The following CCDC7 variants were observed in gnomAD, a reference collection of about 807,000 sequenced individuals.
The protein encoded by CCDC7 is coiled-coil domain-containing protein 7.
Under a neutral mutation model 196.9 loss-of-function variants are expected in CCDC7, and 183 were observed. The ratio of observed to expected loss-of-function variants is 0.93; its 90% confidence interval spans 0.82 to 1.05. CCDC7 has a LOEUF of 1.05. Ranked by LOEUF, CCDC7 falls within the 50% of genes least tolerant of loss-of-function variation. The pLI is 0.00. For missense variants in CCDC7, 1,540 were observed against 1,482.2 expected (o/e 1.04, Z -0.64); for synonymous variants, 525 against 484.6 (o/e 1.08, Z -1.10).
intron 18 of CCDC7, among the ~76,000 whole-genome samples, chr10:32,603,360 A>G (rs187568643): frequency 5.9e-5 from 9 of 152,228 alleles, no homozygotes; most frequent in African/African-American, 1.7e-4. Flanking sequence ...ATTGATGGAC[A>G]CTTAGCTTGA....
intron 11 of CCDC7, among the ~76,000 whole-genome samples, chr10:32,527,876 AT>A (rs1156486736): frequency 6.6e-6 from 1 of 151,948 alleles, no homozygotes; most frequent in East Asian, 1.9e-4. Context: ...TTTATTTTTA[AT>A]TTTTTTATTT....
chr10:32,676,826 T>C (rs1274098225), intron 21 of CCDC7, among the ~76,000 whole-genome samples: 2 of 152,120 alleles, frequency 1.3e-5, no homozygotes, highest in African/African-American at 2.4e-5. Flanking sequence ...TCCTCAGGGA[T>C]CTAGAACTAG....
chr10:32,621,807 C>T lies in CCDC7; in HGVS notation c.1802-12447C>T, dbSNP rs138560309. Among the ~76,000 whole-genome samples the T allele has an allele frequency of 7.2e-5, 11 of 152,204 alleles. No individual in the cohort carries two copies. In the East Asian group the frequency reaches 1.9e-3, roughly 27 times the overall value. On this transcript the variant is annotated intron_variant, in intron 18 of 41. Coordinates refer to ENST00000639629, the Ensembl canonical transcript of CCDC7. Reference sequence around the variant, plus strand: ...GCTCTGCGTTTTTGTTCTATTTAGGCCCTAAGTGATTTGGATGACACCTGT... The same window carrying T: ...GCTCTGCGTTTTTGTTCTATTTAGGTCCTAAGTGATTTGGATGACACCTGT...
intron 14 of CCDC7, among the ~76,000 whole-genome samples, chr10:32,567,237 T>G (rs1037716676): frequency 6.6e-6 from 1 of 151,172 alleles, no homozygotes; most frequent in African/African-American, 2.4e-5. Flanking sequence ...AAATAAAAAT[T>G]ATAAAAAGTG....
intron 24 of CCDC7, among the ~76,000 whole-genome samples, chr10:32,705,887 A>C (rs2079647599): frequency 6.6e-6 from 1 of 152,118 alleles, no homozygotes; most frequent in South Asian, 2.1e-4. Flanking sequence ...TTAACACTCC[A>C]CTGTCAACAT....
intron 5 of CCDC7, among the ~76,000 whole-genome samples, chr10:32,464,312 C>G (rs918470151): frequency 7.4e-4 from 113 of 152,290 alleles, no homozygotes; most frequent in African/African-American, 2.6e-3. Flanking sequence ...ACTTGGAATG[C>G]TCTAAATACA....
chr10:32,705,145 A>T (rs1295516282), intron 24 of CCDC7, among the ~76,000 whole-genome samples: 1 of 151,790 alleles, frequency 6.6e-6, no homozygotes, highest in Admixed American at 6.6e-5. Context: ...CTATTCGGCC[A>T]TCTTGGCTCC....
downstream of CCDC7, among the ~76,000 whole-genome samples, chr10:32,881,907 C>T (rs1468110442): frequency 1.3e-5 from 2 of 152,086 alleles, no homozygotes; most frequent in Non-Finnish European, 2.9e-5. Flanking sequence ...CATTCATCAT[C>T]GAGGATCACG....
chr10:32,833,644 TTTGTTG>T (rs909907748), intron 32 of CCDC7, among the ~76,000 whole-genome samples: 1 of 152,048 alleles, frequency 6.6e-6, no homozygotes, highest in Non-Finnish European at 1.5e-5. Context: ...TCCCCAGGTT[TTTGTTG>T]TTGTTGTTGT....
intron 8 of CCDC7, among the ~76,000 whole-genome samples, chr10:32,478,682 A>G (rs1006290773): frequency 5.3e-5 from 8 of 152,106 alleles, no homozygotes; most frequent in African/African-American, 1.4e-4. Flanking sequence ...AGTTCTTTCT[A>G]TACATTTATG....
Position 32,695,003 on chromosome 10 carries a change from T to G in CCDC7, c.2458+11T>G. The G allele has an allele frequency of 7.1e-7, 1 of 1,407,224 alleles. No homozygotes were observed. Among genetic ancestry groups the G allele is most frequent in the East Asian group, 2.5e-5 (1 of 40,370 alleles). The allele number at this position is 1,407,224 out of a possible 1,614,324, so 87.2% of individuals were successfully genotyped here. A position where few individuals can be genotyped will look rare whatever the true frequency, so the allele number is the denominator to read the frequency against. ...AGAAAAGACATAGTAGTAAGTATAA[T>G]AATTATAGATAACTTAAAAATTTTA... On this transcript the variant is annotated intron_variant, in intron 24 of 41. Transcript: ENST00000639629.
At chr10:32,506,105 A>AG in intron 9 of CCDC7, among the ~76,000 whole-genome samples, 1 of 74,886 alleles carries the variant, frequency 1.3e-5, no homozygotes, top group East Asian at 4.4e-4. Context: ...CTTCCCAGAC[A>AG]GGGCGGCCAG....
chr10:32,591,569 A>G (rs1305339088), intron 18 of CCDC7, among the ~76,000 whole-genome samples: 5 of 150,602 alleles, frequency 3.3e-5, no homozygotes, highest in Non-Finnish European at 7.4e-5. Context: ...TATGATTTGC[A>G]AGCCTCATGG....
intron 29 of CCDC7, among the ~76,000 whole-genome samples, chr10:32,785,226 G>C (rs2081653304): frequency 6.6e-6 from 1 of 152,042 alleles, no homozygotes; most frequent in Non-Finnish European, 1.5e-5. Flanking sequence ...TGCAAAAATT[G>C]ACTACATATT....
chr10:32,711,589 A>C lies in CCDC7; in HGVS notation c.2459-31A>C, dbSNP rs370711264. 18 of 1,321,888 alleles carry C rather than the reference A, an allele frequency of 1.4e-5. No individual in the cohort carries two copies. In the South Asian group the frequency reaches 2.3e-4, roughly 17 times the overall value. 81.9% of individuals were successfully genotyped at this position (1,321,888 alleles called of 1,614,324 possible). A position where few individuals can be genotyped will look rare whatever the true frequency, so the allele number is the denominator to read the frequency against. ...GATTTCATAGTAGATTTGTTTTTCT[A>C]GTAAGGGACTAAATTTCTCTCTTAA... On this transcript the variant is annotated intron_variant, in intron 24 of 41. Transcript: ENST00000639629.
chr10:32,451,588 A>T, upstream of CCDC7: 1 of 1,519,356 alleles, frequency 6.6e-7, no homozygotes, highest in Non-Finnish European at 8.8e-7. Context: ...ATTTTTTTTC[A>T]CAGGGAGGAA....
chr10:32,546,749 C>T (rs1217580115), intron 13 of CCDC7, among the ~76,000 whole-genome samples: 5 of 152,330 alleles, frequency 3.3e-5, no homozygotes, highest in African/African-American at 1.2e-4. Context: ...GGCATCTGAG[C>T]ATGGCTTAGC....
At chr10:32,658,379 A>T (rs1308233313) in intron 20 of CCDC7, among the ~76,000 whole-genome samples, 1 of 152,212 alleles carries the variant, frequency 6.6e-6, no homozygotes, top group Non-Finnish European at 1.5e-5. Context: ...AGAAGCAAAG[A>T]CATCCTCCTT....
chr10:32,474,911 CCT>C (rs1459958486), intron 8 of CCDC7, among the ~76,000 whole-genome samples: 1 of 152,068 alleles, frequency 6.6e-6, no homozygotes, highest in African/African-American at 2.4e-5. Context: ...GGAATTCTGC[CCT>C]CTTTCAACTT....
Sources: allele counts gnomAD v4.1 joint callset (sites outside exome capture counted in the v4.1 genomes callset), GRCh38; gene constraint gnomAD v4.1.1; transcripts MANE v1.5; gene names NCBI Gene and HGNC (gene_info 2026-07-23, HGNC 2026-07-21).